DYNC1I1: variants seen among roughly 807,000 people sequenced by gnomAD.
DYNC1I1 encodes the protein cytoplasmic dynein 1 intermediate chain 1.
Under a neutral mutation model 86.6 loss-of-function variants are expected in DYNC1I1, and 43 were observed. The observed-to-expected ratio is 0.50, with a 90% CI of 0.39 to 0.64. DYNC1I1 has a LOEUF of 0.64. Among genes scored for constraint, DYNC1I1 ranks in the 30% least tolerant of loss-of-function variants. The pLI, the probability that DYNC1I1 is intolerant of heterozygous loss-of-function variation, is 0.00. For synonymous variants in DYNC1I1, 262 were observed against 283.7 expected (o/e 0.92, Z 0.77); for missense variants, 604 against 788.8 (o/e 0.77, Z 2.81).
At chr7:96,026,917 G>T (rs1311358551) in intron 10 of DYNC1I1, among the ~76,000 whole-genome samples, 1 of 151,992 alleles carries the variant, frequency 6.6e-6, no homozygotes, top group Non-Finnish European at 1.5e-5. Flanking sequence ...CTACAATTTA[G>T]TCATAGCATG....
intron 1 of DYNC1I1, among the ~76,000 whole-genome samples, chr7:95,787,639 C>T (rs978387575): frequency 2.4e-4 from 36 of 152,130 alleles, no homozygotes; most frequent in African/African-American, 8.7e-4. Flanking sequence ...CTACTCTGAC[C>T]AGTCACTATC....
intron 14 of DYNC1I1, among the ~76,000 whole-genome samples, chr7:96,074,059 A>G (rs1415589014): frequency 6.6e-6 from 1 of 152,372 alleles, no homozygotes. Context: ...ATACTTTGGC[A>G]TAAAAGAATT....
At chr7:95,822,493 T>C (rs1274783229) in intron 4 of DYNC1I1, among the ~76,000 whole-genome samples, 1 of 152,202 alleles carries the variant, frequency 6.6e-6, no homozygotes, top group Non-Finnish European at 1.5e-5. Context: ...GTATTTTCCA[T>C]GTTGGGAAGC....
intron 6 of DYNC1I1, among the ~76,000 whole-genome samples, chr7:95,897,711 T>A (rs1226995827): frequency 6.7e-6 from 1 of 149,752 alleles, no homozygotes; most frequent in Non-Finnish European, 1.5e-5. Context: ...TTTTTAAATG[T>A]GTTCCAAACC....
intron 1 of DYNC1I1, among the ~76,000 whole-genome samples, chr7:95,801,248 C>T (rs1455791472): frequency 2.6e-5 from 4 of 151,978 alleles, no homozygotes; most frequent in Non-Finnish European, 4.4e-5. Context: ...TTTTTAAGTT[C>T]CCTCAATGTT....
chr7:95,929,944 A>G (rs917541699), intron 6 of DYNC1I1, among the ~76,000 whole-genome samples: 2 of 152,220 alleles, frequency 1.3e-5, no homozygotes, highest in African/African-American at 4.8e-5. Context: ...TGTTTTGTGA[A>G]CTGAAATGAA....
intron 6 of DYNC1I1, among the ~76,000 whole-genome samples, chr7:95,900,412 CA>C (rs1044054403): frequency 2.6e-5 from 4 of 152,038 alleles, no homozygotes; most frequent in African/African-American, 9.7e-5. Context: ...TAATAATCAC[CA>C]CCATCATGGC....
At chr7:95,973,831 A>G (rs1793236628) in intron 6 of DYNC1I1, among the ~76,000 whole-genome samples, 1 of 152,234 alleles carries the variant, frequency 6.6e-6, no homozygotes. Flanking sequence ...ATTCAAAGTC[A>G]TTTGGTAAAA....
At chr7:95,885,481 AT>A (rs1790570081) in intron 6 of DYNC1I1, among the ~76,000 whole-genome samples, 1 of 150,146 alleles carries the variant, frequency 6.7e-6, no homozygotes, top group African/African-American at 2.5e-5. Flanking sequence ...CCTGCCCTTC[AT>A]TTTTTTCTTC....
At chr7:95,984,162 G>T (rs1793524237) in intron 7 of DYNC1I1, among the ~76,000 whole-genome samples, 1 of 152,110 alleles carries the variant, frequency 6.6e-6, no homozygotes, top group Non-Finnish European at 1.5e-5. Context: ...TACCAGAAAA[G>T]TAAGGCAGAA....
intron 6 of DYNC1I1, among the ~76,000 whole-genome samples, chr7:95,874,132 GA>G (rs1790243246): frequency 1.3e-5 from 2 of 152,158 alleles, no homozygotes; most frequent in South Asian, 4.1e-4. Context: ...CAATAGCAGT[GA>G]AAATTTGATC....
chr7:95,876,712 G>A (rs542203558), intron 6 of DYNC1I1, among the ~76,000 whole-genome samples: 3 of 152,054 alleles, frequency 2.0e-5, no homozygotes, highest in Non-Finnish European at 4.4e-5. Context: ...ATATTACAAG[G>A]CATAGCAAAC....
chr7:95,896,391 C>T lies in DYNC1I1; in HGVS notation c.490+26393C>T, dbSNP rs181202288. Among the ~76,000 whole-genome samples, 8 of 152,284 alleles carry T rather than the reference C, an allele frequency of 5.3e-5. No individual in the cohort carries two copies. In the East Asian group the frequency reaches 1.2e-3, roughly 22 times the overall value. On this transcript the variant is annotated intron_variant, in intron 6 of 16. Transcript: ENST00000447467. ...GTTAACACCAACATTACTAATAATG[C>T]GTGCTTATATTACTTAATGTTTCTA...
intron 15 of DYNC1I1, 131 bp from the exon 16 acceptor site, chr7:96,080,232 A>G (rs1790472229): frequency 8.5e-7 from 1 of 1,177,842 alleles, no homozygotes; most frequent in Admixed American, 3.4e-5. Context: ...TCCCCCCGGC[A>G]CAAGGGATGT....
chr7:95,996,106 C>G, intron 10 of DYNC1I1, 33 bp downstream of exon 10: 1 of 1,613,676 alleles, frequency 6.2e-7, no homozygotes, highest in Non-Finnish European at 8.5e-7. Flanking sequence ...TAACTTACAT[C>G]TCCTGCTAGA....
chr7:96,040,672 C>G (rs1030033684), intron 14 of DYNC1I1, among the ~76,000 whole-genome samples: 5 of 151,558 alleles, frequency 3.3e-5, no homozygotes, highest in Non-Finnish European at 7.4e-5. Context: ...GCCCTCCAAA[C>G]AGAACGTATG....
At chr7:96,058,183 A>C (rs1180196987) in intron 14 of DYNC1I1, among the ~76,000 whole-genome samples, 1 of 152,244 alleles carries the variant, frequency 6.6e-6, no homozygotes, top group African/African-American at 2.4e-5. Flanking sequence ...CTATCCTCGT[A>C]GTCAAAAGAA....
At chr7:96,015,880 A>G (rs1042557507) in intron 10 of DYNC1I1, among the ~76,000 whole-genome samples, 20 of 152,188 alleles carry the variant, frequency 1.3e-4, no homozygotes, top group African/African-American at 4.8e-4. Flanking sequence ...TATATCTTAT[A>G]GTAAGCACTT....
intron 4 of DYNC1I1, among the ~76,000 whole-genome samples, chr7:95,827,070 A>G (rs1171486533): frequency 2.0e-5 from 3 of 152,188 alleles, no homozygotes; most frequent in Non-Finnish European, 4.4e-5. Context: ...CATTTCCAAC[A>G]AACTCCCAAG....
Sources: allele counts gnomAD v4.1 joint callset (sites outside exome capture counted in the v4.1 genomes callset), GRCh38; gene constraint gnomAD v4.1.1; transcripts MANE v1.5; gene names NCBI Gene and HGNC (gene_info 2026-07-23, HGNC 2026-07-21).